GLIS1: variants seen among roughly 807,000 people sequenced by gnomAD.
GLIS1 encodes GLIS family zinc finger 1.
Under a neutral mutation model 63.8 loss-of-function variants are expected in GLIS1, and 24 were observed. The observed-to-expected ratio is 0.38, with a 90% CI of 0.27 to 0.53. The LOEUF is 0.53. GLIS1 is among the 20% of genes least tolerant of loss of function. The pLI is 0.85. For synonymous variants in GLIS1, 450 were observed against 482.5 expected (o/e 0.93, Z 0.88); for missense variants, 1,036 against 1,074.1 (o/e 0.96, Z 0.50).
intron 4 of GLIS1, among the ~76,000 whole-genome samples, chr1:53,567,589 T>C (rs990984148): frequency 6.6e-6 from 1 of 152,208 alleles, no homozygotes; most frequent in African/African-American, 2.4e-5. Flanking sequence ...ACCTTCACAG[T>C]AGCCCCTCCC....
At chr1:53,737,382 C>T (rs1031099192) in intron 2 of GLIS1, among the ~76,000 whole-genome samples, 5 of 152,156 alleles carry the variant, frequency 3.3e-5, no homozygotes, top group African/African-American at 1.2e-4. Context: ...ACTGAGGTCC[C>T]AAAAGGAGAG....
intron 4 of GLIS1, among the ~76,000 whole-genome samples, chr1:53,540,445 C>T (rs1026995296): frequency 9.2e-5 from 14 of 152,164 alleles, no homozygotes; most frequent in African/African-American, 3.4e-4. Context: ...TGGCCTGGGG[C>T]TCAGGTGCTT....
At chr1:53,563,605 C>T (rs1278912863) in intron 4 of GLIS1, among the ~76,000 whole-genome samples, 3 of 151,992 alleles carry the variant, frequency 2.0e-5, no homozygotes, top group Non-Finnish European at 4.4e-5. Flanking sequence ...AATATAGCAG[C>T]CAGAATAAGA....
Position 53,539,072 on chromosome 1 carries a change from C to T in GLIS1, c.1321-9120G>A, listed in dbSNP as rs1049056892. ...ATGAGGAAAGAGGCTCTGCCAGGGG[C>T]CAGGGCTCCGCAGAGAGCACACAGC... On this transcript the variant is annotated intron_variant, in intron 4 of 10. Coordinates refer to ENST00000628545, the MANE Select transcript of GLIS1 (RefSeq NM_001367484.1). The surrounding 1 kb of genome is among the most constrained non-coding windows in gnomAD (Gnocchi z 5.0). 6.6e-6 allele frequency among the ~76,000 whole-genome samples: 1 copy of T among 152,004 alleles called. No individual in the cohort carries two copies.
chr1:53,506,808 A>G (rs774384630), intron 10 of GLIS1, 32 bp from the exon 11 acceptor site: 2 of 1,594,670 alleles, frequency 1.3e-6, no homozygotes, highest in Non-Finnish European at 1.7e-6. Context: ...TCAGCGCTGG[A>G]GGCAGCAGGG....
chr1:53,661,329 C>T (rs1371792749), intron 2 of GLIS1, among the ~76,000 whole-genome samples: 1 of 152,186 alleles, frequency 6.6e-6, no homozygotes, highest in African/African-American at 2.4e-5. Context: ...GTAAATAGCA[C>T]ATCCAGGATA....
intron 2 of GLIS1, among the ~76,000 whole-genome samples, chr1:53,667,843 G>C (rs1377840661): frequency 6.6e-6 from 1 of 152,096 alleles, no homozygotes; most frequent in African/African-American, 2.4e-5. Context: ...CCTGTTAAAG[G>C]CCCCATCTCT....
At chr1:53,527,792 G>C (rs1644486276) in intron 5 of GLIS1, among the ~76,000 whole-genome samples, 1 of 152,226 alleles carries the variant, frequency 6.6e-6, no homozygotes, top group African/African-American at 2.4e-5. Flanking sequence ...GTGGGGTGCT[G>C]GGCTTGGCGG....
chr1:53,595,871 C>A (rs1035218733), intron 3 of GLIS1, among the ~76,000 whole-genome samples: 10 of 152,148 alleles, frequency 6.6e-5, no homozygotes, highest in African/African-American at 2.4e-4. Context: ...TGAGGAAAAG[C>A]TTCTGAGGGG....
At chr1:53,566,715 A>G (rs1015628029) in intron 4 of GLIS1, among the ~76,000 whole-genome samples, 1 of 152,178 alleles carries the variant, frequency 6.6e-6, no homozygotes, top group Non-Finnish European at 1.5e-5. Context: ...CTGATTGTTT[A>G]AAAGTGTGTG....
chr1:53,556,098 GGTGT>G (rs146005547), intron 4 of GLIS1, among the ~76,000 whole-genome samples: 3 of 130,454 alleles, frequency 2.3e-5, no homozygotes, highest in Admixed American at 7.9e-5. Flanking sequence ...GTGTACTGCA[GGTGT>G]GTGTGTGTAT....
intron 2 of GLIS1, among the ~76,000 whole-genome samples, chr1:53,707,143 G>A (rs1646586988): frequency 6.6e-6 from 1 of 152,134 alleles, no homozygotes; most frequent in South Asian, 2.1e-4. Context: ...TCCTTCCCTG[G>A]CACCTTCCCA....
At chr1:53,514,900 A>C in intron 7 of GLIS1, 119 bp from the exon 8 acceptor site, 31 of 1,192,486 alleles carry the variant, frequency 2.6e-5, no homozygotes, top group Middle Eastern at 2.0e-4. Context: ...AAAATGAACA[A>C]CGTTGTATCA....
intron 4 of GLIS1, among the ~76,000 whole-genome samples, chr1:53,530,490 A>G (rs1644518707): frequency 6.6e-6 from 1 of 152,184 alleles, no homozygotes; most frequent in Admixed American, 6.5e-5. Flanking sequence ...ATTGAATGTC[A>G]TGGGGTTTGT....
chr1:53,717,446 G>A (rs1646712379), intron 2 of GLIS1, among the ~76,000 whole-genome samples: 2 of 152,166 alleles, frequency 1.3e-5, no homozygotes, highest in African/African-American at 4.8e-5. Flanking sequence ...AAATTATGGG[G>A]CTAAACCAAG....
intron 2 of GLIS1, among the ~76,000 whole-genome samples, chr1:53,658,003 C>T (rs1458767198): frequency 6.6e-6 from 1 of 152,176 alleles, no homozygotes; most frequent in Non-Finnish European, 1.5e-5. Context: ...AGCAACCTTG[C>T]TGGTGCTCAA....
intron 2 of GLIS1, among the ~76,000 whole-genome samples, chr1:53,656,146 G>A (rs774805863): frequency 3.9e-5 from 6 of 152,152 alleles, no homozygotes; most frequent in South Asian, 2.1e-4. Flanking sequence ...GAGGAAGCAC[G>A]GGGCAAAGGC....
chr1:53,642,442 G>GACAATGCCA (rs1645797460), intron 2 of GLIS1, among the ~76,000 whole-genome samples: 1 of 152,124 alleles, frequency 6.6e-6, no homozygotes, highest in Admixed American at 6.5e-5. Context: ...CCACCTCGGG[G>GACAATGCCA]CCCTGCCACA....
intron 2 of GLIS1, among the ~76,000 whole-genome samples, chr1:53,612,532 G>C (rs771359014): frequency 6.6e-6 from 1 of 151,814 alleles, no homozygotes; most frequent in African/African-American, 2.4e-5. Context: ...GAGCCACCGC[G>C]CCTGGCCTGT....
Sources: gnomAD v4.1 joint callset for allele counts (sites outside exome capture counted in the v4.1 genomes callset) on GRCh38, gnomAD v4.1.1 for gene constraint, Gnocchi (gnomAD v3.1) non-coding constraint, MANE v1.5 for transcripts, NCBI Gene and HGNC (gene_info 2026-07-23, HGNC 2026-07-21) for gene names.